Variants in RUNDC3A observed in about 807,000 individuals in gnomAD.
RUNDC3A encodes RUN domain-containing protein 3A.
A neutral mutation model predicts 53.9 loss-of-function variants in RUNDC3A; 28 were observed. The ratio of observed to expected loss-of-function variants is 0.52; its 90% CI spans 0.38 to 0.71. The LOEUF is 0.71. RUNDC3A is among the 30% of genes least tolerant of loss of function. RUNDC3A has a pLI of 0.00. For synonymous variants in RUNDC3A, 232 were observed against 249.4 expected, an observed-to-expected ratio of 0.93 and a Z score of 0.66; for missense variants, 491 against 597.3, an observed-to-expected ratio of 0.82 and a Z score of 1.85.
At position 44,314,541 on chromosome 17, in the gene RUNDC3A, A is replaced by G. The variant is rs1035761577; in HGVS notation, c.459-194A>G. On this transcript the variant is annotated intron_variant, in intron 4 of 10. Transcript: ENST00000426726. ...GGAGGAGTCGGCTCAGGGAACACCC[A>G]TTCTAGGTGATGGGGCCACAGGTGC... 18 of 1,431,322 alleles carry G rather than the reference A, an allele frequency of 1.3e-5. No individual in the cohort carries two copies. In the African/African-American group the frequency reaches 1.3e-4, roughly 10 times the overall value. 88.7% of individuals were successfully genotyped at this position (1,431,322 alleles called of 1,614,324 possible).
chr17:44,313,231 C>A lies in RUNDC3A; in HGVS notation c.351C>A (p.Asn117Lys). 6.2e-7 allele frequency: 1 copy of A among 1,613,958 alleles called. No individual in the cohort carries two copies. The change falls in exon 3 of 11, where the codon AAC becomes AAA. Residue 117 changes from asparagine (N) to lysine (K), a missense_variant. Asn to Lys is a moderately conservative substitution (Grantham distance 94, BLOSUM62 0). This residue lies in a region of RUNDC3A where 273 missense variants were observed against 389.0 expected (regional missense o/e 0.70). Transcript: ENST00000426726. ...TGAGCAGCATCGAGAACATGGAGAA[C>A]ATCAGCACAGCCCGGGCCAAGGTGA... is the stretch of plus-strand genomic sequence containing the variant. Reference protein sequence around the residue: ...NCVSSIENMENISTARAKGRA... With the variant: ...NCVSSIENMEKISTARAKGRA...
intron 1 of RUNDC3A, among the ~76,000 whole-genome samples, chr17:44,312,174 C>A (rs973321795): frequency 3.3e-5 from 5 of 152,224 alleles, no homozygotes; most frequent in Non-Finnish European, 5.9e-5. Flanking sequence ...TGGCTTCTAA[C>A]ACCTAGTTGA....
In RUNDC3A at chr17:44,318,122, G is replaced by A; in HGVS notation, c.1225G>A (p.Gly409Ser). ...GAAGGACCCCACGCCCTCCATGCTG[G>A]GCCTCTGCGGCTCCCTGGCCTCCAT... Reference protein sequence around the residue: ...IGKDPTPSMLGLCGSLASIPS... With the variant: ...IGKDPTPSMLSLCGSLASIPS... The change falls in exon 11 of 11, where the codon GGC becomes AGC. Residue 409 changes from glycine to serine, a missense_variant. By Grantham distance (56) the Gly-to-Ser change is moderately conservative. This residue lies in a region of RUNDC3A where 218 missense variants were observed against 208.2 expected (regional missense o/e 1.05). Transcript: ENST00000426726. The A allele has an allele frequency of 6.4e-7, 1 of 1,551,422 alleles. No homozygotes were observed. Among genetic ancestry groups the A allele is most frequent in the Non-Finnish European group, 8.7e-7 (1 of 1,146,906 alleles).
chr17:44,316,766 G>A (rs1218553182), intron 10 of RUNDC3A, 41 bp downstream of exon 10: 2 of 1,401,128 alleles, frequency 1.4e-6, no homozygotes, highest in Non-Finnish European at 2.0e-6. Flanking sequence ...CCTCCAGAAA[G>A]GGCTGAGGCA....
chr17:44,315,408 C>T lies in RUNDC3A; in HGVS notation c.796-44C>T. ...GCGGGGCGGGGATGGGGGCCGCGGCCGGGACGTCCTCCCAGCCGCCCGGGC... is the reference window on the plus strand; with the variant it reads ...GCGGGGCGGGGATGGGGGCCGCGGCTGGGACGTCCTCCCAGCCGCCCGGGC... On this transcript the variant is annotated intron_variant, in intron 7 of 10. Transcript: ENST00000426726. The surrounding 1 kb of genome is among the most constrained non-coding windows in gnomAD (Gnocchi z 6.1). 3 of 1,348,790 alleles carry T rather than the reference C, an allele frequency of 2.2e-6. No homozygotes were observed. The highest frequency in any genetic ancestry group is 1.9e-6 in the Non-Finnish European group (2 of 1,046,862). 83.6% of individuals were successfully genotyped at this position (1,348,790 alleles called of 1,614,324 possible).
intron 4 of RUNDC3A, 51 bp from the exon 5 acceptor site, chr17:44,314,684 G>GT: frequency 8.1e-7 from 1 of 1,237,320 alleles, no homozygotes; most frequent in Non-Finnish European, 1.1e-6. Context: ...TGGGGGGGGG[G>GT]GGGGCGCTCC....
chr17:44,315,188 C>G lies in RUNDC3A; in HGVS notation c.663C>G (p.His221Gln). 6.4e-7 allele frequency: 1 copy of G among 1,561,436 alleles called. No individual in the cohort carries two copies. Residue 221 changes from histidine to glutamine, a missense_variant, in exon 7 of 11, where the codon CAC becomes CAG. His to Gln is a conservative substitution (Grantham distance 24, BLOSUM62 0). Coordinates refer to ENST00000426726, the MANE Select transcript of RUNDC3A (RefSeq NM_001144825.2). This position sits in a 1 kb window ranked among gnomAD's most constrained non-coding sequence, Gnocchi z 6.1. ...ACCTGACGGACGAGGAGGAGCGGCA[C>G]AGCGCCGAGAGCAGCACGAGCGAGG... ...YDYLTDEEER[H>Q]SAESSTSEDN...
At chr17:44,317,193 T>C in intron 10 of RUNDC3A, 1 of 543,182 alleles carries the variant, frequency 1.8e-6, no homozygotes, top group South Asian at 2.2e-5. Flanking sequence ...AGAGCTTACT[T>C]TGAGGTGGCA....
At chr17:44,313,346 G>A (rs2047787182) in intron 3 of RUNDC3A, 72 bp from the exon 4 acceptor site, 7 of 1,608,466 alleles carry the variant, frequency 4.4e-6, no homozygotes, top group South Asian at 1.1e-5. Context: ...GCCCAGGGGA[G>A]AAGGGCCCAC....
At position 44,315,612 on chromosome 17, in the gene RUNDC3A, G is replaced by A. The variant is rs771118515; in HGVS notation, c.953+3G>A. On this transcript the variant is annotated splice_donor_region_variant and intron_variant, in intron 8 of 10. Coordinates refer to ENST00000426726, the MANE Select transcript of RUNDC3A (RefSeq NM_001144825.2). This position sits in a 1 kb window ranked among gnomAD's most constrained non-coding sequence, Gnocchi z 6.1. ...ATCCTGGAGCTGCAGGAGCAGCTGT[G>A]AGCGCACGGCCTGCCCTAACCCCTG... The A allele has an allele frequency of 1.4e-6, 2 of 1,476,346 alleles. No individual in the cohort carries two copies. The highest frequency in any genetic ancestry group is 2.6e-5 in the South Asian group (2 of 76,548). 91.5% of individuals were successfully genotyped at this position (1,476,346 alleles called of 1,614,324 possible). A position where few individuals can be genotyped will look rare whatever the true frequency, so the allele number is the denominator to read the frequency against.
At position 44,316,676 on chromosome 17, in the gene RUNDC3A, C is replaced by G. The variant is rs1485804229; in HGVS notation, c.1149C>G (p.Ser383=). The G allele has an allele frequency of 1.3e-6, 2 of 1,550,486 alleles. No homozygotes were observed. Among genetic ancestry groups the G allele is most frequent in the Admixed American group, 2.0e-5 (1 of 50,994 alleles). ...CTGAAGCCAGTCTGAGCTCGGACTC[C>G]CAGCGCCTGGGAGAGGGCACGCGGG... ...LSAEASLSSD[S]QRLGEGTRDE... is the part of the protein sequence containing the mutation. The change falls in exon 10 of 11, where the codon TCC becomes TCG. Residue 383 remains serine, a synonymous_variant. Coordinates refer to ENST00000426726, the MANE Select transcript of RUNDC3A (RefSeq NM_001144825.2).
rs767111929 is a variant in RUNDC3A, at chr17:44,316,377, C to T, written c.954-8C>T. On this transcript the variant is annotated splice_region_variant and splice_polypyrimidine_tract_variant and intron_variant, in intron 8 of 10. Coordinates refer to ENST00000426726, the MANE Select transcript of RUNDC3A (RefSeq NM_001144825.2). ...CCAGCCAGGCCTGACTCCTCCTCCC[C>T]CTCCCAGGACAGGTCTGATCCCCAG... 6.2e-7 allele frequency: 1 copy of T among 1,604,582 alleles called. No homozygotes were observed. The highest frequency in any genetic ancestry group is 1.7e-5 in the Admixed American group (1 of 59,438).
At position 44,308,606 on chromosome 17, in the gene RUNDC3A, GGCTCAGCACC is replaced by G. The variant is rs1211853901; in HGVS notation, c.-226_-217del. ...CTGGAGGAGGGGGTGACGGGGCCCC[GGCTCAGCACC>G]TCGGAGAGCTCCCTCCCCGGCCTTG... On this transcript the variant is annotated 5_prime_UTR_variant, in exon 1 of 11. Coordinates refer to ENST00000426726, the MANE Select transcript of RUNDC3A (RefSeq NM_001144825.2). 4 of 416,078 alleles carry G rather than the reference GGCTCAGCACC, an allele frequency of 9.6e-6. No homozygotes were observed. The highest frequency in any genetic ancestry group is 1.7e-5 in the Non-Finnish European group (4 of 235,660). The allele number at this position is 416,078 out of a possible 1,614,324, so 25.8% of individuals were successfully genotyped here. A position where few individuals can be genotyped will look rare whatever the true frequency, so the allele number is the denominator to read the frequency against.
rs1017455834 is a variant in RUNDC3A at position 44,318,370 on chromosome 17, G to A, written c.*132G>A. Reference sequence around the variant, plus strand: ...CCCACCCAGCCAGGGTTCTCTCGGGGAAGATCTCGTCTGCTCACCTTAGCT... The same window carrying A: ...CCCACCCAGCCAGGGTTCTCTCGGGAAAGATCTCGTCTGCTCACCTTAGCT... On this transcript the variant is annotated 3_prime_UTR_variant, in exon 11 of 11. Coordinates refer to ENST00000426726, the MANE Select transcript of RUNDC3A (RefSeq NM_001144825.2). 3 of 1,052,826 alleles carry A rather than the reference G, an allele frequency of 2.8e-6. No homozygotes were observed. In the African/African-American group the frequency reaches 4.7e-5, roughly 17 times the overall value. The allele number at this position is 1,052,826 out of a possible 1,614,324, so 65.2% of individuals were successfully genotyped here. A position where few individuals can be genotyped will look rare whatever the true frequency, so the allele number is the denominator to read the frequency against.
rs2047841204 is a variant in RUNDC3A, at chr17:44,315,405, G to A, written c.796-47G>A. ...GGGGCGGGGCGGGGATGGGGGCCGCGGCCGGGACGTCCTCCCAGCCGCCCG... is the reference window on the plus strand; with the variant it reads ...GGGGCGGGGCGGGGATGGGGGCCGCAGCCGGGACGTCCTCCCAGCCGCCCG... On this transcript the variant is annotated intron_variant, in intron 7 of 10. Coordinates refer to ENST00000426726, the MANE Select transcript of RUNDC3A (RefSeq NM_001144825.2). This position sits in a 1 kb window ranked among gnomAD's most constrained non-coding sequence, Gnocchi z 6.1. The A allele has an allele frequency of 1.5e-6, 2 of 1,338,158 alleles. No individual in the cohort carries two copies. The highest frequency in any genetic ancestry group is 3.2e-5 in the East Asian group (1 of 31,656). 82.9% of individuals were successfully genotyped at this position (1,338,158 alleles called of 1,614,324 possible).
In RUNDC3A at chr17:44,316,969, C is replaced by G. The variant is rs1000564459; in HGVS notation, c.1198+244C>G. 8 of 464,816 alleles carry G rather than the reference C, an allele frequency of 1.7e-5. No individual in the cohort carries two copies. In the Admixed American group the frequency reaches 1.9e-4, roughly 11 times the overall value. The allele number at this position is 464,816 out of a possible 1,614,324, so 28.8% of individuals were successfully genotyped here. A position where few individuals can be genotyped will look rare whatever the true frequency, so the allele number is the denominator to read the frequency against. On this transcript the variant is annotated intron_variant, in intron 10 of 10. Coordinates refer to ENST00000426726, the MANE Select transcript of RUNDC3A (RefSeq NM_001144825.2). The stretch of plus-strand genomic sequence containing the variant: ...TCCCGAGTAGCTGGGATTAAAAGCG[C>G]CTGCCACCACGCGCAGCTAATTTGT...
chr17:44,314,052 G>C (rs148688757), intron 4 of RUNDC3A: 7 of 992,354 alleles, frequency 7.1e-6, no homozygotes, highest in Admixed American at 5.8e-5. Context: ...TGCCCAGCAC[G>C]CTCCACCCTT....
chr17:44,313,141 AGACGGGCAGCGGG>A lies in RUNDC3A; in HGVS notation c.263_275del (p.Asp88AlafsTer18). Reference sequence around the variant, plus strand: ...CAGGTCCAGTGAGCTGGTTCAGCTCAGACGGGCAGCGGGGCTTTTGGGACTATATCCGGCTGGC... The same window carrying A: ...CAGGTCCAGTGAGCTGGTTCAGCTCAGCTTTTGGGACTATATCCGGCTGGC... On this transcript the variant is annotated frameshift_variant, in exon 3 of 11. Transcript: ENST00000426726. LOFTEE classifies it high-confidence loss of function. 1 of 1,614,086 alleles carries A rather than the reference AGACGGGCAGCGGG, an allele frequency of 6.2e-7. No individual in the cohort carries two copies.
intron 1 of RUNDC3A, 126 bp downstream of exon 1, chr17:44,309,065 C>A: frequency 3.1e-6 from 2 of 654,818 alleles, no homozygotes; most frequent in Non-Finnish European, 5.1e-6. Context: ...AATAATGCGT[C>A]CACTGTCCCT....
Sources: gnomAD v4.1 joint callset for allele counts (sites outside exome capture counted in the v4.1 genomes callset) on GRCh38, gnomAD v4.1.1 for gene constraint, gnomAD v4.1.1 regional missense constraint, Gnocchi (gnomAD v3.1) non-coding constraint, MANE v1.5 for transcripts, NCBI Gene and HGNC (gene_info 2026-07-23, HGNC 2026-07-21) for gene names.